Variants in ABCB11 observed in about 807,000 individuals in gnomAD.
ABCB11 encodes the protein bile salt export pump.
ABCB11 carries 95 observed loss-of-function variants against 148.0 expected under a neutral mutation model. The observed-to-expected ratio is 0.64, with a 90% CI of 0.54 to 0.76. The LOEUF (loss-of-function observed/expected upper bound fraction) is 0.76, where lower values mean the gene tolerates loss of function less well. Among genes scored for constraint, ABCB11 ranks in the 30% least tolerant of loss-of-function variants. The pLI is 0.00. For synonymous variants in ABCB11, 591 were observed against 555.4 expected (o/e 1.06, Z -0.90); for missense variants, 1,523 against 1,617.8 (o/e 0.94, Z 1.01).
intron 21 of ABCB11, 143 bp from the exon 22 acceptor site, chr2:168,936,576 C>A (rs1397838705): frequency 1.1e-5 from 8 of 744,460 alleles, no homozygotes; most frequent in African/African-American, 1.8e-5. Flanking sequence ...CTTAAGTGTA[C>A]AATTCAGTGG....
rs114415940 is a variant in ABCB11, at chr2:168,994,419, C to A, written c.612-537G>T. On this transcript the variant is annotated intron_variant, in intron 7 of 27. Coordinates refer to ENST00000650372, the MANE Select transcript of ABCB11 (RefSeq NM_003742.4). ...GTGGTGAAGAGTGCAGATTCTGGAGCCAGACTAGGAATTTGAATACAGACT... is the reference window on the plus strand; with the variant it reads ...GTGGTGAAGAGTGCAGATTCTGGAGACAGACTAGGAATTTGAATACAGACT... Among the ~76,000 whole-genome samples, 1,426 of 152,094 alleles carry A rather than the reference C, an allele frequency of 9.4e-3. 26 individuals carry two copies. Among genetic ancestry groups the A allele is most frequent in the African/African-American group, 0.03 (1,265 of 41,482 alleles).
chr2:168,955,988 C>T (rs939631507), intron 19 of ABCB11, among the ~76,000 whole-genome samples: 5 of 151,582 alleles, frequency 3.3e-5, no homozygotes, highest in Non-Finnish European at 7.4e-5. Context: ...TGTCTCACAT[C>T]CAGGCCACAC....
In ABCB11 at chr2:168,920,849, G is replaced by C. The variant is rs1559171044; in HGVS notation, c.*2773C>G. Among the ~76,000 whole-genome samples the C allele has an allele frequency of 6.6e-6, 1 of 152,096 alleles. No individual in the cohort carries two copies. ...AGTTGTAATCTTCTCCTTTGTCACT[G>C]AGCCTCAATTATTTCCCCAATTTCA... On this transcript the variant is annotated 3_prime_UTR_variant, in exon 28 of 28. Transcript: ENST00000650372.
chr2:168,931,170 T>C (rs950879017), intron 24 of ABCB11, among the ~76,000 whole-genome samples: 5 of 152,174 alleles, frequency 3.3e-5, no homozygotes, highest in South Asian at 4.1e-4. Context: ...CTGGAAGATA[T>C]GACATCACAG....
At chr2:168,961,449 C>T (rs1693072701) in intron 18 of ABCB11, among the ~76,000 whole-genome samples, 2 of 151,726 alleles carry the variant, frequency 1.3e-5, no homozygotes, top group African/African-American at 4.8e-5. Flanking sequence ...GGTCCCATCT[C>T]TGTCTTATCT....
intron 5 of ABCB11, among the ~76,000 whole-genome samples, chr2:169,002,423 A>G (rs947484530): frequency 6.6e-6 from 1 of 152,208 alleles, no homozygotes; most frequent in Non-Finnish European, 1.5e-5. Flanking sequence ...TAGAACTGCT[A>G]TATAACCTAG....
chr2:168,939,341 C>T (rs773798225), intron 21 of ABCB11, among the ~76,000 whole-genome samples: 6 of 152,018 alleles, frequency 3.9e-5, no homozygotes, highest in Non-Finnish European at 8.8e-5. Context: ...CTCTCCAAAA[C>T]ATTTGCTTAC....
intron 12 of ABCB11, 47 bp downstream of exon 12, chr2:168,976,530 T>C (rs1693913932): frequency 1.7e-6 from 2 of 1,144,434 alleles, no homozygotes; most frequent in African/African-American, 3.1e-5. Context: ...AAATAAATCA[T>C]CGAAGAAGAA....
At chr2:168,978,589 C>A (rs1694016364) in intron 11 of ABCB11, among the ~76,000 whole-genome samples, 1 of 152,052 alleles carries the variant, frequency 6.6e-6, no homozygotes, top group Non-Finnish European at 1.5e-5. Context: ...GACAGTGAAC[C>A]AAACAGGTTC....
chr2:168,937,338 C>T (rs573366576), intron 21 of ABCB11, among the ~76,000 whole-genome samples: 5 of 152,230 alleles, frequency 3.3e-5, no homozygotes, highest in African/African-American at 1.2e-4. Flanking sequence ...CCTTTCAAGT[C>T]CCTGCTTTCA....
At chr2:169,005,613 C>T (rs1573968490) in intron 5 of ABCB11, among the ~76,000 whole-genome samples, 1 of 152,050 alleles carries the variant, frequency 6.6e-6, no homozygotes, top group Admixed American at 6.6e-5. Context: ...TGAAAATTTG[C>T]CCCAGACCAC....
At chr2:168,926,735 A>T (rs1341519314) in intron 26 of ABCB11, among the ~76,000 whole-genome samples, 1 of 152,206 alleles carries the variant, frequency 6.6e-6, no homozygotes, top group Non-Finnish European at 1.5e-5. Flanking sequence ...ATCATAATAC[A>T]GATTGAATAT....
chr2:169,016,801 T>C lies in ABCB11; in HGVS notation c.77-2A>G. On this transcript the variant is annotated splice_acceptor_variant, in intron 2 of 27. Coordinates refer to ENST00000650372, the MANE Select transcript of ABCB11 (RefSeq NM_003742.4). LOFTEE classifies it high-confidence loss of function. The stretch of plus-strand genomic sequence containing the variant: ...ACCTTGATTTCTTATCATTATTATC[T>C]GTCAGAAAAAAAAATCAACGCAAAA... 1 of 1,590,554 alleles carries C rather than the reference T, an allele frequency of 6.3e-7. No homozygotes were observed. Among genetic ancestry groups the C allele is most frequent in the East Asian group, 2.2e-5 (1 of 44,538 alleles).
At chr2:168,979,788 A>G in intron 11 of ABCB11, 78 bp downstream of exon 11, 1 of 772,314 alleles carries the variant, frequency 1.3e-6, no homozygotes, top group Non-Finnish European at 2.0e-6. Flanking sequence ...CTTTAAGGTA[A>G]ATTCTTCAGG....
chr2:168,985,496 CA>C (rs1431183905), intron 10 of ABCB11, among the ~76,000 whole-genome samples: 1 of 151,976 alleles, frequency 6.6e-6, no homozygotes, highest in Non-Finnish European at 1.5e-5. Flanking sequence ...GGAACTAGCC[CA>C]AATGCCCATC....
At chr2:168,926,681 C>T (rs552846051) in intron 26 of ABCB11, among the ~76,000 whole-genome samples, 1 of 152,166 alleles carries the variant, frequency 6.6e-6, no homozygotes, top group African/African-American at 2.4e-5. Flanking sequence ...AGTCCAGGGG[C>T]ACTGTGAAAT....
rs886055067 is a variant in ABCB11, at chr2:168,971,841, G to C, written c.1638+6C>G. On this transcript the variant is annotated splice_donor_region_variant and intron_variant, in intron 14 of 27. Coordinates refer to ENST00000650372, the MANE Select transcript of ABCB11 (RefSeq NM_003742.4). The stretch of plus-strand genomic sequence containing the variant: ...GTTTCTCCCAGGAATGTATGGCTAG[G>C]GGTACCTGTGGCAGGTCCATGATGA... The C allele has an allele frequency of 1.6e-5, 26 of 1,611,868 alleles. No homozygotes were observed. In the Admixed American group the frequency reaches 4.3e-4, roughly 27 times the overall value.
chr2:169,027,345 C>G (rs1695731494), intron 1 of ABCB11, among the ~76,000 whole-genome samples: 2 of 152,180 alleles, frequency 1.3e-5, no homozygotes, highest in Non-Finnish European at 2.9e-5. Context: ...CACACCAACT[C>G]CAGTGTTCCT....
intron 19 of ABCB11, among the ~76,000 whole-genome samples, chr2:168,952,371 T>G (rs114492846): frequency 0.012 from 1,860 of 151,504 alleles, 44 homozygotes; most frequent in African/African-American, 0.042. Context: ...TTTTTTTTTG[T>G]TAGGAAATTT....
Sources: allele counts gnomAD v4.1 joint callset (sites outside exome capture counted in the v4.1 genomes callset), GRCh38; gene constraint gnomAD v4.1.1; transcripts MANE v1.5; gene names NCBI Gene and HGNC (gene_info 2026-07-23, HGNC 2026-07-21).